RARB: variants seen among roughly 807,000 people sequenced by gnomAD.
RARB encodes retinoic acid receptor beta.
RARB carries 17 observed loss-of-function variants against 51.9 expected under a neutral mutation model. The observed-to-expected ratio is 0.33, with a 90% CI of 0.22 to 0.49. RARB has a LOEUF of 0.49. Ranked by LOEUF, RARB falls within the 20% of genes least tolerant of loss-of-function variation. The probability of loss-of-function intolerance (pLI) is 0.99; values close to 1 mark genes in which losing one functional copy is unlikely to be tolerated. For missense variants in RARB, 369 were observed against 550.8 expected (o/e 0.67, Z 3.30); for synonymous variants, 215 against 195.4 (o/e 1.10, Z -0.84).
chr3:24,899,228 C>G (rs1426784812), intron 2 of RARB, among the ~76,000 whole-genome samples: 1 of 152,144 alleles, frequency 6.6e-6, no homozygotes, highest in Non-Finnish European at 1.5e-5. Context: ...CCCTTTGAAG[C>G]AGGGGGCCCT....
At chr3:25,500,304 A>C (rs1697230517) in intron 2 of RARB, among the ~76,000 whole-genome samples, 1 of 152,014 alleles carries the variant, frequency 6.6e-6, no homozygotes. Flanking sequence ...GCAGACACTC[A>C]TTTTTATTTC....
chr3:25,418,905 G>C (rs1053390190), intron 5 of RARB, among the ~76,000 whole-genome samples: 1 of 148,780 alleles, frequency 6.7e-6, no homozygotes. Flanking sequence ...CCATCCCTAG[G>C]TTCATGGCTG....
chr3:25,158,229 C>A (rs556393646), intron 4 of RARB, among the ~76,000 whole-genome samples: 1 of 152,280 alleles, frequency 6.6e-6, no homozygotes, highest in East Asian at 1.9e-4. Flanking sequence ...ATAATTTTAC[C>A]TGAGAGATCA....
At chr3:25,563,551 C>A (rs552611073) in intron 3 of RARB, among the ~76,000 whole-genome samples, 1 of 152,142 alleles carries the variant, frequency 6.6e-6, no homozygotes, top group Non-Finnish European at 1.5e-5. Flanking sequence ...TACAGTGGGA[C>A]GTGCTATGTT....
At chr3:25,127,039 C>T (rs1210139998) in intron 3 of RARB, among the ~76,000 whole-genome samples, 1 of 152,144 alleles carries the variant, frequency 6.6e-6, no homozygotes, top group Non-Finnish European at 1.5e-5. Flanking sequence ...TGCCACACCA[C>T]TCCAGTCAGG....
chr3:25,409,450 C>A (rs1293788490), intron 5 of RARB, among the ~76,000 whole-genome samples: 1 of 152,024 alleles, frequency 6.6e-6, no homozygotes, highest in Non-Finnish European at 1.5e-5. Context: ...ATCATAGACT[C>A]AGTTTATTCA....
At chr3:25,369,721 G>C (rs975594159) in intron 5 of RARB, among the ~76,000 whole-genome samples, 1 of 152,154 alleles carries the variant, frequency 6.6e-6, no homozygotes, top group African/African-American at 2.4e-5. Flanking sequence ...TCAGGAGTTT[G>C]AGACCAGTCT....
At chr3:25,252,173 T>TA (rs1004853368) in intron 5 of RARB, among the ~76,000 whole-genome samples, 1 of 152,196 alleles carries the variant, frequency 6.6e-6, no homozygotes, top group African/African-American at 2.4e-5. Flanking sequence ...AACAGAGGTA[T>TA]AAGTGCTTAC....
At chr3:25,538,544 G>A (rs1440365377) in intron 3 of RARB, among the ~76,000 whole-genome samples, 2 of 152,184 alleles carry the variant, frequency 1.3e-5, no homozygotes, top group Non-Finnish European at 2.9e-5. Context: ...TGTGCTATTT[G>A]TTACTAGGCC....
chr3:25,292,669 C>T (rs1317635397), intron 5 of RARB, among the ~76,000 whole-genome samples: 1 of 152,112 alleles, frequency 6.6e-6, no homozygotes, highest in African/African-American at 2.4e-5. Flanking sequence ...CCTCAGAAAC[C>T]AAAGTCTCCA....
chr3:25,118,555 T>C (rs1004120924), intron 3 of RARB, among the ~76,000 whole-genome samples: 8 of 152,178 alleles, frequency 5.3e-5, no homozygotes, highest in East Asian at 1.9e-4. Context: ...TTTTGAAATA[T>C]ACTGCTGGAT....
rs538363428 is a variant in RARB at position 25,444,408 on chromosome 3, C to A, written c.157+15520C>A. Among the ~76,000 whole-genome samples the A allele has an allele frequency of 2.0e-5, 3 of 152,310 alleles. No homozygotes were observed. The South Asian group carries it at 6.2e-4, about 32-fold the overall frequency. On this transcript the variant is annotated intron_variant, in intron 1 of 7. Coordinates refer to ENST00000330688, the MANE Select transcript of RARB (RefSeq NM_000965.5). Reference sequence around the variant, plus strand: ...TAACAAGTGAAAGCTGGAAATAATACGTTTTTAACAAAATGGGCAGTTCTT... The same window carrying A: ...TAACAAGTGAAAGCTGGAAATAATAAGTTTTTAACAAAATGGGCAGTTCTT...
At chr3:24,999,940 C>G (rs981690927) in intron 2 of RARB, among the ~76,000 whole-genome samples, 1 of 151,946 alleles carries the variant, frequency 6.6e-6, no homozygotes, top group South Asian at 2.1e-4. Context: ...TCCCCAACAG[C>G]CACATTAATG....
chr3:25,315,271 C>A (rs1175389709), intron 5 of RARB, among the ~76,000 whole-genome samples: 1 of 152,274 alleles, frequency 6.6e-6, no homozygotes, highest in African/African-American at 2.4e-5. Context: ...AGCTCAACTC[C>A]CCCTAACCAG....
At chr3:25,106,699 A>G (rs1273275874) in intron 3 of RARB, among the ~76,000 whole-genome samples, 1 of 151,378 alleles carries the variant, frequency 6.6e-6, no homozygotes, top group Admixed American at 6.6e-5. Flanking sequence ...ATTCACATGC[A>G]TATTGTAACA....
At chr3:25,271,065 C>T (rs566822185) in intron 5 of RARB, among the ~76,000 whole-genome samples, 5 of 152,294 alleles carry the variant, frequency 3.3e-5, no homozygotes, top group African/African-American at 1.2e-4. Context: ...TATTCACTGG[C>T]ATTAGCATTG....
At chr3:25,129,295 G>A (rs1338819839) in intron 3 of RARB, among the ~76,000 whole-genome samples, 1 of 151,972 alleles carries the variant, frequency 6.6e-6, no homozygotes, top group Non-Finnish European at 1.5e-5. Flanking sequence ...TCATACAAAG[G>A]TAGATTTTTA....
intron 5 of RARB, among the ~76,000 whole-genome samples, chr3:25,303,085 A>G (rs569249357): frequency 6.6e-6 from 1 of 152,030 alleles, no homozygotes; most frequent in Non-Finnish European, 1.5e-5. Context: ...TTATTCTCTT[A>G]TTTCCTTGAG....
At chr3:24,832,628 AATATATATATATAT>A in intron 1 of RARB, among the ~76,000 whole-genome samples, 2 of 88,446 alleles carry the variant, frequency 2.3e-5, no homozygotes, top group African/African-American at 9.3e-5. Context: ...ATTGAGTCCC[AATATATATATATAT>A]ATATATATAA....
Sources: allele counts gnomAD v4.1 joint callset (sites outside exome capture counted in the v4.1 genomes callset), GRCh38; gene constraint gnomAD v4.1.1; transcripts MANE v1.5; gene names NCBI Gene and HGNC (gene_info 2026-07-23, HGNC 2026-07-21).